Variants in PFDN4 observed in about 807,000 individuals in gnomAD.
PFDN4 encodes the protein prefoldin subunit 4.
PFDN4 carries 6 observed loss-of-function variants against 17.6 expected under a neutral mutation model. The observed-to-expected ratio is 0.34, with a 90% CI of 0.19 to 0.67. The LOEUF (loss-of-function observed/expected upper bound fraction) is 0.67. PFDN4 is among the 30% of genes least tolerant of loss of function. PFDN4 has a pLI of 0.68. For synonymous variants in PFDN4, 48 were observed against 51.1 expected (o/e 0.94, Z 0.26); for missense variants, 119 against 158.4 (o/e 0.75, Z 1.33).
rs2092759913 is a variant in PFDN4 at position 54,214,418 on chromosome 20, G to C, written c.92G>C (p.Ser31Thr). The C allele has an allele frequency of 1.9e-6, 3 of 1,584,178 alleles. No individual in the cohort carries two copies. Among genetic ancestry groups the C allele is most frequent in the Non-Finnish European group, 2.6e-6 (3 of 1,157,710 alleles). Reference protein sequence around the residue: ...QKINKFARNTSRITELKEEIE... With the variant: ...QKINKFARNTTRITELKEEIE... ...ATAAACAAATTTGCACGGAATACAA[G>C]TAGAATCACAGAGCTGAAGGAAGAA... is the stretch of plus-strand genomic sequence containing the variant. The change falls in exon 2 of 4, where the codon AGT becomes ACT. Residue 31 changes from serine to threonine, a missense_variant. By Grantham distance (58) the Ser-to-Thr change is moderately conservative. Transcript: ENST00000371419.
chr20:54,210,702 C>T (rs755207860), intron 1 of PFDN4, among the ~76,000 whole-genome samples: 3 of 152,194 alleles, frequency 2.0e-5, no homozygotes, highest in East Asian at 1.9e-4. Flanking sequence ...CTCCTTCACT[C>T]CCCAGGCCCC....
chr20:54,211,766 C>T lies in PFDN4; in HGVS notation c.25-2585C>T, dbSNP rs573612654. 3.3e-5 allele frequency among the ~76,000 whole-genome samples: 5 copies of T among 152,078 alleles called. No homozygotes were observed. In the South Asian group the frequency reaches 1.0e-3, roughly 32 times the overall value. On this transcript the variant is annotated intron_variant, in intron 1 of 3. Coordinates refer to ENST00000371419, the MANE Select transcript of PFDN4 (RefSeq NM_002623.4). ...TCCTAACCTTTTGGGGTTGTGGATCCCTTTGAGAATCTGGTGAAAGCTATG... is the reference window on the plus strand; with the variant it reads ...TCCTAACCTTTTGGGGTTGTGGATCTCTTTGAGAATCTGGTGAAAGCTATG...
intron 1 of PFDN4, among the ~76,000 whole-genome samples, chr20:54,209,580 T>C (rs908809365): frequency 4.9e-4 from 74 of 152,340 alleles, no homozygotes; most frequent in African/African-American, 1.7e-3. Flanking sequence ...ACCTCTAGTT[T>C]GTTAAATTGG....
intron 1 of PFDN4, among the ~76,000 whole-genome samples, chr20:54,209,798 C>T (rs1429617198): frequency 6.6e-6 from 1 of 152,030 alleles, no homozygotes; most frequent in Non-Finnish European, 1.5e-5. Flanking sequence ...AGTAAATTTT[C>T]GGGGGCACGT....
At chr20:54,208,863 G>C (rs1164314149) in intron 1 of PFDN4, 1 of 152,248 alleles carries the variant, frequency 6.6e-6, no homozygotes, top group East Asian at 1.9e-4. Flanking sequence ...AGAGCAGTTA[G>C]AGGCCCTAAA....
chr20:54,208,954 A>T (rs915661277), intron 1 of PFDN4: 4 of 152,156 alleles, frequency 2.6e-5, no homozygotes, highest in African/African-American at 7.2e-5. Context: ...CTGTGTAACC[A>T]CTAAGCCGGC....
intron 3 of PFDN4, among the ~76,000 whole-genome samples, chr20:54,217,853 A>G (rs1438675093): frequency 1.3e-5 from 2 of 152,226 alleles, no homozygotes; most frequent in Non-Finnish European, 2.9e-5. Flanking sequence ...CAAACTTAGC[A>G]TGCGTGAGAA....
chr20:54,217,634 A>T (rs753437935), intron 3 of PFDN4, among the ~76,000 whole-genome samples: 1 of 152,214 alleles, frequency 6.6e-6, no homozygotes, highest in Non-Finnish European at 1.5e-5. Context: ...CCTGTGGGCT[A>T]TAGTTTGCCC....
rs2092767321 is a variant in PFDN4, at chr20:54,219,733, A to G, written c.*583A>G. On this transcript the variant is annotated 3_prime_UTR_variant, in exon 4 of 4. Transcript: ENST00000371419. Reference sequence around the variant, plus strand: ...GGGTAATGTTTAAACATGTGGAGGCATGTGGAGCTTTATACAAACAGGGCA... The same window carrying G: ...GGGTAATGTTTAAACATGTGGAGGCGTGTGGAGCTTTATACAAACAGGGCA... 2 of 398,206 alleles carry G rather than the reference A, an allele frequency of 5.0e-6. No individual in the cohort carries two copies. Among genetic ancestry groups the G allele is most frequent in the African/African-American group, 2.1e-5 (1 of 48,582 alleles). The allele number at this position is 398,206 out of a possible 1,614,324, so 24.7% of individuals were successfully genotyped here.
chr20:54,217,920 G>A (rs780226018), intron 3 of PFDN4, among the ~76,000 whole-genome samples: 3 of 152,138 alleles, frequency 2.0e-5, no homozygotes, highest in South Asian at 2.1e-4. Flanking sequence ...ACCCAAAGAC[G>A]ATCTTTCAGG....
chr20:54,214,949 C>T (rs1208383492), intron 2 of PFDN4, among the ~76,000 whole-genome samples: 1 of 152,188 alleles, frequency 6.6e-6, no homozygotes, highest in African/African-American at 2.4e-5. Flanking sequence ...TACTTACACC[C>T]TATCAGCAAG....
At chr20:54,216,337 C>G (rs2092762389) in intron 3 of PFDN4, among the ~76,000 whole-genome samples, 1 of 152,164 alleles carries the variant, frequency 6.6e-6, no homozygotes, top group African/African-American at 2.4e-5. Flanking sequence ...GCTAATTAAC[C>G]TGATTGCTTA....
At position 54,212,614 on chromosome 20, in the gene PFDN4, C is replaced by T. The variant is rs991881762; in HGVS notation, c.25-1737C>T. Among the ~76,000 whole-genome samples the T allele has an allele frequency of 3.9e-5, 6 of 152,394 alleles. 1 individual carries two copies. The highest frequency in any genetic ancestry group is 1.9e-4 in the East Asian group (1 of 5,194). ...GTATTAGCCTTAGTTATGTGCCAGG[C>T]AGTCCTGCACTGGATCCGTTCATGT... On this transcript the variant is annotated intron_variant, in intron 1 of 3. Coordinates refer to ENST00000371419, the MANE Select transcript of PFDN4 (RefSeq NM_002623.4).
At chr20:54,210,840 A>T (rs1263963843) in intron 1 of PFDN4, among the ~76,000 whole-genome samples, 1 of 152,234 alleles carries the variant, frequency 6.6e-6, no homozygotes, top group African/African-American at 2.4e-5. Flanking sequence ...TGTATTCATG[A>T]AAGTGGGATA....
chr20:54,219,314 T>C lies in PFDN4; in HGVS notation c.*164T>C, dbSNP rs1389834770. ...TTCACATGTCTGCTTATTTATTTTA[T>C]ATTTTTAAAAGAAGACAGTATTCAC... On this transcript the variant is annotated 3_prime_UTR_variant, in exon 4 of 4. Transcript: ENST00000371419. 4.0e-6 allele frequency: 2 copies of C among 506,208 alleles called. No homozygotes were observed. Among genetic ancestry groups the C allele is most frequent in the Non-Finnish European group, 6.9e-6 (2 of 290,090 alleles). 31.4% of individuals were successfully genotyped at this position (506,208 alleles called of 1,614,324 possible). A position where few individuals can be genotyped will look rare whatever the true frequency, so the allele number is the denominator to read the frequency against.
intron 1 of PFDN4, among the ~76,000 whole-genome samples, chr20:54,213,702 T>A (rs1477222279): frequency 6.6e-6 from 1 of 152,250 alleles, no homozygotes; most frequent in Non-Finnish European, 1.5e-5. Flanking sequence ...TTTTTTATTA[T>A]TTCATTGGTA....
At chr20:54,210,351 G>T (rs1173326984) in intron 1 of PFDN4, among the ~76,000 whole-genome samples, 2 of 152,198 alleles carry the variant, frequency 1.3e-5, no homozygotes, top group African/African-American at 4.8e-5. Context: ...AGATTAGCTT[G>T]CATGTACACT....
chr20:54,213,499 C>G (rs2092758725), intron 1 of PFDN4, among the ~76,000 whole-genome samples: 3 of 152,086 alleles, frequency 2.0e-5, no homozygotes, highest in Admixed American at 1.3e-4. Context: ...AGCCAGTCTG[C>G]CTGGGTTGAA....
At chr20:54,215,268 A>G (rs1323959127) in intron 2 of PFDN4, 32 bp from the exon 3 acceptor site, 1 of 1,530,588 alleles carries the variant, frequency 6.5e-7, no homozygotes, top group African/African-American at 1.4e-5. Context: ...GAGAACTTTG[A>G]GTACATTTTC....
Sources: allele counts gnomAD v4.1 joint callset (sites outside exome capture counted in the v4.1 genomes callset), GRCh38; gene constraint gnomAD v4.1.1; transcripts MANE v1.5; gene names NCBI Gene and HGNC (gene_info 2026-07-23, HGNC 2026-07-21).